SERTAD2: variants seen among roughly 807,000 people sequenced by gnomAD.
SERTAD2 encodes the protein SERTA domain containing 2, also known as SERTA domain-containing protein 2.
A neutral mutation model predicts 15.4 loss-of-function variants in SERTAD2; 2 were observed. That is an observed-to-expected ratio of 0.13 (90% CI 0.05 to 0.41). The LOEUF (loss-of-function observed/expected upper bound fraction) is 0.41, where lower values mean the gene tolerates loss of function less well. SERTAD2 is among the 10% of genes least tolerant of loss of function. The pLI, the probability that SERTAD2 is intolerant of heterozygous loss-of-function variation, is 0.99. For missense variants in SERTAD2, 333 were observed against 409.7 expected, an observed-to-expected ratio of 0.81 and a Z score of 1.62; for synonymous variants, 180 against 178.0, an observed-to-expected ratio of 1.01 and a Z score of -0.09.
In SERTAD2 at chr2:64,635,902, G is replaced by A. The variant is rs1467755687; in HGVS notation, c.*25C>T. Reference sequence around the variant, plus strand: ...ATGGGAACGCTCTGGGGTCTGGGTGGGCATAGTCGCTGGGTCCCTGGGTCT... The same window carrying A: ...ATGGGAACGCTCTGGGGTCTGGGTGAGCATAGTCGCTGGGTCCCTGGGTCT... On this transcript the variant is annotated 3_prime_UTR_variant, in exon 2 of 2. Coordinates refer to ENST00000313349, the MANE Select transcript of SERTAD2 (RefSeq NM_014755.3). The A allele has an allele frequency of 1.3e-6, 2 of 1,556,002 alleles. No individual in the cohort carries two copies. Among genetic ancestry groups the A allele is most frequent in the Admixed American group, 1.7e-5 (1 of 59,228 alleles).
chr2:64,640,027 C>T (rs929485721), intron 1 of SERTAD2, among the ~76,000 whole-genome samples: 1 of 152,092 alleles, frequency 6.6e-6, no homozygotes, highest in Non-Finnish European at 1.5e-5. Flanking sequence ...ATGAAGTGTA[C>T]CTCAAGGCAG....
intron 1 of SERTAD2, among the ~76,000 whole-genome samples, chr2:64,645,254 C>T (rs1257803622): frequency 6.6e-6 from 1 of 152,216 alleles, no homozygotes; most frequent in African/African-American, 2.4e-5. Context: ...CCTCCGGGCT[C>T]TCCCGCTGCG....
intron 1 of SERTAD2, among the ~76,000 whole-genome samples, chr2:64,649,020 C>T (rs895131049): frequency 6.6e-6 from 1 of 152,016 alleles, no homozygotes; most frequent in Non-Finnish European, 1.5e-5. Flanking sequence ...GGGAGATGTC[C>T]CCTCAAAGAA....
intron 1 of SERTAD2, among the ~76,000 whole-genome samples, chr2:64,651,538 T>C (rs964359782): frequency 1.3e-5 from 2 of 152,228 alleles, no homozygotes; most frequent in Non-Finnish European, 2.9e-5. Flanking sequence ...TTTGAATGAG[T>C]TTTAAAATAT....
chr2:64,636,347 C>T lies in SERTAD2; in HGVS notation c.525G>A (p.Glu175=), dbSNP rs1163704578. ...TAGATGTGGGACAGAGCTCCTCGAT[C>T]TCGTCCAAGGCAGAGGAGAAACTGT... ...EKDSFSSALD[E]IEELCPTSTS... Residue 175 remains glutamate, a synonymous_variant, in exon 2 of 2, where the codon GAG becomes GAA. Coordinates refer to ENST00000313349, the MANE Select transcript of SERTAD2 (RefSeq NM_014755.3). 2 of 1,614,194 alleles carry T rather than the reference C, an allele frequency of 1.2e-6. No homozygotes were observed. The highest frequency in any genetic ancestry group is 1.7e-5 in the Admixed American group (1 of 60,036).
At chr2:64,637,241 C>A (rs1490282066) in intron 1 of SERTAD2, among the ~76,000 whole-genome samples, 2 of 152,314 alleles carry the variant, frequency 1.3e-5, no homozygotes, top group East Asian at 3.9e-4. Context: ...TTCGATTTCC[C>A]TCCCCCACGT....
chr2:64,641,698 T>C (rs1173231310), intron 1 of SERTAD2, among the ~76,000 whole-genome samples: 1 of 152,154 alleles, frequency 6.6e-6, no homozygotes, highest in East Asian at 1.9e-4. Context: ...AGGGAGGGTC[T>C]GAGGAATGGG....
intron 1 of SERTAD2, among the ~76,000 whole-genome samples, chr2:64,651,438 G>A (rs1431511435): frequency 6.6e-6 from 1 of 152,182 alleles, no homozygotes; most frequent in Non-Finnish European, 1.5e-5. Context: ...ATGCATGTGT[G>A]TGCCTTTCTA....
rs201494566 is a variant in SERTAD2 at position 64,636,418 on chromosome 2, T to C, written c.454A>G (p.Thr152Ala). 1.4e-5 allele frequency: 22 copies of C among 1,614,068 alleles called. No homozygotes were observed. The highest frequency in any genetic ancestry group is 1.7e-5 in the Admixed American group (1 of 60,006). ...TFCTSQAMQPTAPTKLSPPAL... is the reference protein window; with the variant it reads ...TFCTSQAMQPAAPTKLSPPAL... ...GGAGGTGACAGTTTGGTGGGAGCCG[T>C]GGGCTGCATGGCCTGGGAGGTGCAA... Residue 152 changes from threonine to alanine, a missense_variant, in exon 2 of 2, where the codon ACG (threonine) becomes GCG (alanine). Thr to Ala is a moderately conservative substitution (Grantham distance 58). Coordinates refer to ENST00000313349, the MANE Select transcript of SERTAD2 (RefSeq NM_014755.3).
chr2:64,634,993 A>C lies in SERTAD2; in HGVS notation c.*934T>G, dbSNP rs1674626166. On this transcript the variant is annotated 3_prime_UTR_variant, in exon 2 of 2. Coordinates refer to ENST00000313349, the MANE Select transcript of SERTAD2 (RefSeq NM_014755.3). ...CCATCTCCCGCCAACTGCTTAATGC[A>C]AGTTTGATGAGCACATGTGGCTCTG... 6.5e-6 allele frequency: 1 copy of C among 152,684 alleles called. No individual in the cohort carries two copies. The highest frequency in any genetic ancestry group is 1.5e-5 in the Non-Finnish European group (1 of 68,054). 9.5% of individuals were successfully genotyped at this position (152,684 alleles called of 1,614,324 possible). A position where few individuals can be genotyped will look rare whatever the true frequency, so the allele number is the denominator to read the frequency against.
intron 1 of SERTAD2, among the ~76,000 whole-genome samples, chr2:64,640,747 G>A (rs748389138): frequency 3.3e-5 from 5 of 152,108 alleles, no homozygotes; most frequent in African/African-American, 4.8e-5. Context: ...CTTGGCTGGT[G>A]AAGACCAAAG....
intron 1 of SERTAD2, among the ~76,000 whole-genome samples, chr2:64,649,530 G>A (rs1674969178): frequency 6.6e-6 from 1 of 152,192 alleles, no homozygotes; most frequent in South Asian, 2.1e-4. Context: ...TATTCTATGG[G>A]AAAGTCCTTA....
At position 64,636,890 on chromosome 2, in the gene SERTAD2, G is replaced by C; in HGVS notation, c.-4-15C>G. 1 of 1,539,782 alleles carries C rather than the reference G, an allele frequency of 6.5e-7. No homozygotes were observed. Among genetic ancestry groups the C allele is most frequent in the South Asian group, 1.1e-5 (1 of 87,872 alleles). On this transcript the variant is annotated splice_polypyrimidine_tract_variant and intron_variant, in intron 1 of 1. Coordinates refer to ENST00000313349, the MANE Select transcript of SERTAD2 (RefSeq NM_014755.3). ...CCAACATATATCTGCAGAGGGGAGA[G>C]AGAGGAAATGGCATTAATCACATGA...
chr2:64,650,863 G>A (rs546021582), intron 1 of SERTAD2, among the ~76,000 whole-genome samples: 35 of 152,250 alleles, frequency 2.3e-4, no homozygotes, highest in Non-Finnish European at 1.5e-5. Flanking sequence ...CTTATTGTGA[G>A]GCCATTTTCA....
intron 1 of SERTAD2, among the ~76,000 whole-genome samples, chr2:64,645,413 C>G (rs1330762274): frequency 6.6e-6 from 1 of 151,854 alleles, no homozygotes; most frequent in Non-Finnish European, 1.5e-5. Flanking sequence ...CCTGACGATA[C>G]ACTGAAATTC....
intron 1 of SERTAD2, among the ~76,000 whole-genome samples, chr2:64,645,604 A>G: frequency 6.6e-6 from 1 of 152,218 alleles, no homozygotes; most frequent in East Asian, 1.9e-4. Flanking sequence ...TCCTAGTAAA[A>G]TAATTTTTTA....
chr2:64,635,911 G>A lies in SERTAD2; in HGVS notation c.*16C>T, dbSNP rs1041104803. On this transcript the variant is annotated 3_prime_UTR_variant, in exon 2 of 2. Transcript: ENST00000313349. ...CTCTGGGGTCTGGGTGGGCATAGTC[G>A]CTGGGTCCCTGGGTCTTAGGACCCA... 6.3e-6 allele frequency: 10 copies of A among 1,590,648 alleles called. No individual in the cohort carries two copies. The highest frequency in any genetic ancestry group is 1.1e-5 in the South Asian group (1 of 90,554).
intron 1 of SERTAD2, among the ~76,000 whole-genome samples, chr2:64,645,471 T>G (rs1243252763): frequency 6.6e-6 from 1 of 152,208 alleles, no homozygotes; most frequent in Non-Finnish European, 1.5e-5. Context: ...ACTTTTACTG[T>G]TTGGGGTTGT....
At position 64,650,832 on chromosome 2, in the gene SERTAD2, C is replaced by T. The variant is rs975342449; in HGVS notation, c.-5+2788G>A. ...TAGTCAGTATTAATTAACAGAAAGA[C>T]CTATGAGAGCTGGTGTCACCCTTAT... On this transcript the variant is annotated intron_variant, in intron 1 of 1. Transcript: ENST00000313349. Among the ~76,000 whole-genome samples the T allele has an allele frequency of 2.6e-5, 4 of 152,106 alleles. No individual in the cohort carries two copies. The East Asian group carries it at 5.8e-4, about 22-fold the overall frequency.
Sources: gnomAD v4.1 joint callset for allele counts (sites outside exome capture counted in the v4.1 genomes callset) on GRCh38, gnomAD v4.1.1 for gene constraint, MANE v1.5 for transcripts, NCBI Gene and HGNC (gene_info 2026-07-23, HGNC 2026-07-21) for gene names.